The following CADPS variants were observed in gnomAD, a reference collection of about 807,000 sequenced individuals.
The protein encoded by CADPS is calcium dependent secretion activator, also known as calcium-dependent secretion activator 1.
A neutral mutation model predicts 167.3 loss-of-function variants in CADPS; 57 were observed. The observed-to-expected ratio is 0.34, with a 90% CI of 0.28 to 0.42. The LOEUF is 0.42. Among genes scored for constraint, CADPS ranks in the 20% least tolerant of loss-of-function variants. The pLI is 1.00. For synonymous variants in CADPS, 676 were observed against 635.3 expected, an observed-to-expected ratio of 1.06 and a Z score of -0.96; for missense variants, 1,414 against 1,738.1, an observed-to-expected ratio of 0.81 and a Z score of 3.32.
intron 17 of CADPS, among the ~76,000 whole-genome samples, chr3:62,510,045 C>T (rs951800023): frequency 6.6e-6 from 1 of 152,138 alleles, no homozygotes; most frequent in Admixed American, 6.6e-5. Context: ...AGGGCCAAGG[C>T]CCATAGGTTC....
intron 3 of CADPS, among the ~76,000 whole-genome samples, chr3:62,715,402 A>T (rs1280440913): frequency 1.1e-5 from 1 of 93,908 alleles, no homozygotes; most frequent in Non-Finnish European, 2.2e-5. Flanking sequence ...ATCTATCTGT[A>T]TTATATATAA....
intron 9 of CADPS, among the ~76,000 whole-genome samples, chr3:62,566,160 C>T (rs1275766461): frequency 3.9e-5 from 6 of 152,162 alleles, no homozygotes; most frequent in African/African-American, 1.4e-4. Context: ...TTGGTGGTTT[C>T]CACACTGTTT....
intron 3 of CADPS, among the ~76,000 whole-genome samples, chr3:62,688,235 C>G (rs148820087): frequency 2.1e-5 from 1 of 46,578 alleles, no homozygotes; most frequent in Non-Finnish European, 5.1e-5. Context: ...CTTTCTTTCC[C>G]CTGTCATGCT....
At chr3:62,523,796 A>G (rs952998425) in intron 13 of CADPS, among the ~76,000 whole-genome samples, 2 of 152,214 alleles carry the variant, frequency 1.3e-5, no homozygotes, top group African/African-American at 4.8e-5. Flanking sequence ...GAGGGAATAT[A>G]CTTTCATCTC....
chr3:62,800,434 T>A (rs561179065), intron 1 of CADPS, among the ~76,000 whole-genome samples: 1 of 152,158 alleles, frequency 6.6e-6, no homozygotes, highest in Non-Finnish European at 1.5e-5. Context: ...TTGACTTTTA[T>A]ATACAGACTA....
rs574251048 is a variant in CADPS at position 62,579,937 on chromosome 3, G to T, written c.1577+5248C>A. Among the ~76,000 whole-genome samples, 112 of 152,292 alleles carry T rather than the reference G, an allele frequency of 7.4e-4. 2 individuals are homozygous for T. The South Asian group carries it at 0.021, about 29-fold the overall frequency. ...AGCAATGGAGGCTTGGAAGCCAATGGTGAGATGGAAGCAGGGGTGAAAGGT... is the reference window on the plus strand; with the variant it reads ...AGCAATGGAGGCTTGGAAGCCAATGTTGAGATGGAAGCAGGGGTGAAAGGT... On this transcript the variant is annotated intron_variant, in intron 8 of 29. Transcript: ENST00000383710.
intron 1 of CADPS, among the ~76,000 whole-genome samples, chr3:62,823,586 G>C (rs566117156): frequency 6.6e-6 from 1 of 152,252 alleles, no homozygotes; most frequent in Admixed American, 6.5e-5. Flanking sequence ...AGATCAATGC[G>C]TATCTCCAGG....
At chr3:62,665,315 A>G (rs2074212202) in intron 3 of CADPS, among the ~76,000 whole-genome samples, 3 of 152,224 alleles carry the variant, frequency 2.0e-5, no homozygotes, top group Admixed American at 2.0e-4. Context: ...CAATTATTCC[A>G]CCAAAAATCA....
intron 9 of CADPS, among the ~76,000 whole-genome samples, chr3:62,563,792 T>G (rs926206751): frequency 1.3e-5 from 2 of 152,176 alleles, no homozygotes; most frequent in South Asian, 4.1e-4. Flanking sequence ...ACATATGATG[T>G]TTGGTTTTCC....
At chr3:62,853,999 A>T (rs1374701339) in intron 1 of CADPS, among the ~76,000 whole-genome samples, 1 of 152,172 alleles carries the variant, frequency 6.6e-6, no homozygotes, top group African/African-American at 2.4e-5. Context: ...CAAAGTAAGT[A>T]AAAAGAAAGA....
At chr3:62,401,347 TA>T (rs777554157) in intron 29 of CADPS, among the ~76,000 whole-genome samples, 8 of 152,332 alleles carry the variant, frequency 5.3e-5, no homozygotes, top group Admixed American at 5.2e-4. Context: ...TCAAATTCCA[TA>T]GCAACGTGTA....
chr3:62,747,397 A>G (rs2081702926), intron 3 of CADPS, among the ~76,000 whole-genome samples: 1 of 152,170 alleles, frequency 6.6e-6, no homozygotes, highest in Non-Finnish European at 1.5e-5. Flanking sequence ...AGTTATATGG[A>G]GATTAAGGGC....
At chr3:62,400,749 G>C (rs1394100312) in intron 29 of CADPS, among the ~76,000 whole-genome samples, 1 of 151,708 alleles carries the variant, frequency 6.6e-6, no homozygotes, top group Non-Finnish European at 1.5e-5. Flanking sequence ...ATAGGTGCCC[G>C]CCACCATGCC....
chr3:62,855,066 AGGCACG>A (rs2079393002), intron 1 of CADPS, among the ~76,000 whole-genome samples: 1 of 144,166 alleles, frequency 6.9e-6, no homozygotes, highest in Non-Finnish European at 1.5e-5. Context: ...CTGGGACTAC[AGGCACG>A]TGCCATCATG....
At chr3:62,616,408 G>A (rs2062302321) in intron 6 of CADPS, among the ~76,000 whole-genome samples, 1 of 151,930 alleles carries the variant, frequency 6.6e-6, no homozygotes, top group African/African-American at 2.4e-5. Flanking sequence ...TACGTTCCTG[G>A]GAAGTGAGAG....
chr3:62,441,756 C>T (rs1281331658), intron 27 of CADPS, among the ~76,000 whole-genome samples: 1 of 152,098 alleles, frequency 6.6e-6, no homozygotes, highest in Non-Finnish European at 1.5e-5. Flanking sequence ...TCTGAAGGAC[C>T]TGGGGAGCTT....
rs142742081 is a variant in CADPS, at chr3:62,824,841, G to C, written c.441+49748C>G. 2.3e-3 allele frequency among the ~76,000 whole-genome samples: 345 copies of C among 152,190 alleles called. 3 individuals carry two copies. Among genetic ancestry groups the C allele is most frequent in the Middle Eastern group, 0.01 (3 of 294 alleles). On this transcript the variant is annotated intron_variant, in intron 1 of 29. Transcript: ENST00000383710. ...CTTTGCAGTTCTTCTAAGAACGCTT[G>C]TTTTCCCAAGCTTCCTTCTCCCACA... is the stretch of plus-strand genomic sequence containing the variant.
chr3:62,827,873 G>A (rs1042226432), intron 1 of CADPS, among the ~76,000 whole-genome samples: 1 of 152,094 alleles, frequency 6.6e-6, no homozygotes, highest in Non-Finnish European at 1.5e-5. Flanking sequence ...TGCATACAGT[G>A]TTTTAGGGCT....
chr3:62,716,186 A>T (rs758895935), intron 3 of CADPS, among the ~76,000 whole-genome samples: 7 of 152,100 alleles, frequency 4.6e-5, no homozygotes, highest in Non-Finnish European at 5.9e-5. Flanking sequence ...CAGCCTCCCA[A>T]GTAGCTGGGA....
Sources: gnomAD v4.1 joint callset for allele counts (sites outside exome capture counted in the v4.1 genomes callset) on GRCh38, gnomAD v4.1.1 for gene constraint, MANE v1.5 for transcripts, NCBI Gene and HGNC (gene_info 2026-07-23, HGNC 2026-07-21) for gene names.